Variants in SHB observed in about 807,000 individuals in gnomAD.
SHB encodes SH2 domain-containing adapter protein B.
SHB carries 20 observed loss-of-function variants against 52.3 expected under a neutral mutation model. The ratio of observed to expected loss-of-function variants is 0.38; its 90% confidence interval spans 0.27 to 0.56. The LOEUF (loss-of-function observed/expected upper bound fraction) is 0.56, where lower values mean the gene tolerates loss of function less well. Among genes scored for constraint, SHB ranks in the 20% least tolerant of loss-of-function variants. SHB has a pLI of 0.71. For synonymous variants in SHB, 397 were observed against 316.5 expected (o/e 1.25, Z -2.70); for missense variants, 825 against 723.3 (o/e 1.14, Z -1.61).
intron 2 of SHB, among the ~76,000 whole-genome samples, chr9:37,980,307 T>C (rs1003499340): frequency 1.3e-5 from 2 of 152,216 alleles, no homozygotes; most frequent in Non-Finnish European, 2.9e-5. Flanking sequence ...AAATCCTATG[T>C]TGTCATTTTA....
chr9:37,948,910 C>T (rs561536181), intron 4 of SHB, among the ~76,000 whole-genome samples, 156 bp from the exon 5 acceptor site: 3 of 152,302 alleles, frequency 2.0e-5, no homozygotes, highest in South Asian at 2.1e-4. Flanking sequence ...CTGCTGCTGC[C>T]GGGTCCTGGG....
At chr9:38,039,393 A>AT (rs1476682627) in intron 1 of SHB, among the ~76,000 whole-genome samples, 24 of 152,384 alleles carry the variant, frequency 1.6e-4, no homozygotes, top group Non-Finnish European at 2.6e-4. Flanking sequence ...CTGCTTAGTC[A>AT]TTAGCCTGTA....
chr9:37,978,471 G>A (rs2117977295), intron 2 of SHB, among the ~76,000 whole-genome samples: 1 of 152,340 alleles, frequency 6.6e-6, no homozygotes, highest in South Asian at 2.1e-4. Context: ...ATATTAAGCA[G>A]CCATTAAAAT....
At chr9:38,067,609 A>C (rs1306397924) in intron 1 of SHB, among the ~76,000 whole-genome samples, 1 of 152,112 alleles carries the variant, frequency 6.6e-6, no homozygotes. Context: ...TCGAAGTCCT[A>C]GACAGCTCTG....
intron 3 of SHB, among the ~76,000 whole-genome samples, chr9:37,970,257 A>G: frequency 6.6e-6 from 1 of 152,242 alleles, no homozygotes; most frequent in Non-Finnish European, 1.5e-5. Flanking sequence ...GACGGCTCCA[A>G]GTATTTCTCA....
At position 37,917,008 on chromosome 9, in the gene SHB, A is replaced by AC. The variant is rs987156203; in HGVS notation, c.*2812_*2813insG. Among the ~76,000 whole-genome samples the AC allele has an allele frequency of 2.0e-5, 3 of 151,276 alleles. No homozygotes were observed. Among genetic ancestry groups the AC allele is most frequent in the Admixed American group, 2.0e-4 (3 of 15,180 alleles). ...TTTTCTCTCAAAGAAATCCAGCTCA[A>AC]TTTTTTCCCCAATTAATTGGCAGCA... On this transcript the variant is annotated 3_prime_UTR_variant, in exon 6 of 6. Transcript: ENST00000377707.
chr9:38,008,192 T>C (rs1315627305), intron 2 of SHB, among the ~76,000 whole-genome samples: 1 of 152,158 alleles, frequency 6.6e-6, no homozygotes, highest in Admixed American at 6.5e-5. Context: ...GCAACTTTCC[T>C]GAAAACCTGA....
intron 5 of SHB, among the ~76,000 whole-genome samples, chr9:37,945,935 T>C (rs929137146): frequency 6.6e-6 from 1 of 152,174 alleles, no homozygotes; most frequent in Non-Finnish European, 1.5e-5. Context: ...AGGACTCCTA[T>C]CCAGAATTCT....
At chr9:38,040,818 G>T (rs972110966) in intron 1 of SHB, among the ~76,000 whole-genome samples, 1 of 152,058 alleles carries the variant, frequency 6.6e-6, no homozygotes, top group Non-Finnish European at 1.5e-5. Flanking sequence ...AGTCTTTGGG[G>T]CTTTGCCATA....
In SHB at chr9:38,034,755, G is replaced by A. The variant is rs530387731; in HGVS notation, c.718-18624C>T. Among the ~76,000 whole-genome samples the A allele has an allele frequency of 5.3e-5, 8 of 152,348 alleles. No individual in the cohort carries two copies. In the South Asian group the frequency reaches 1.7e-3, roughly 32 times the overall value. On this transcript the variant is annotated intron_variant, in intron 1 of 5. Transcript: ENST00000377707. ...TCTGCCACCCAGGCTGGAGTGCAGT[G>A]GTGCGATCTCAGCTCACTGCAACCT...
intron 2 of SHB, among the ~76,000 whole-genome samples, chr9:37,996,126 A>C (rs1458804172): frequency 6.6e-6 from 1 of 152,190 alleles, no homozygotes; most frequent in African/African-American, 2.4e-5. Context: ...AAATGACTGC[A>C]GCCATTCTGT....
chr9:37,926,228 C>T (rs941075100), intron 5 of SHB, among the ~76,000 whole-genome samples: 5 of 151,106 alleles, frequency 3.3e-5, no homozygotes, highest in Non-Finnish European at 5.9e-5. Context: ...AATTCTGCCT[C>T]TTGAAAGCAG....
chr9:38,028,194 G>A (rs968035449), intron 1 of SHB, among the ~76,000 whole-genome samples: 8 of 152,064 alleles, frequency 5.3e-5, no homozygotes, highest in Non-Finnish European at 1.0e-4. Flanking sequence ...GCACCTCCCC[G>A]AGGAAGCACA....
At chr9:37,968,042 A>G (rs1171435730) in intron 3 of SHB, among the ~76,000 whole-genome samples, 1 of 152,236 alleles carries the variant, frequency 6.6e-6, no homozygotes, top group Non-Finnish European at 1.5e-5. Flanking sequence ...ATTGCCAGGC[A>G]TAACTGGGAA....
intron 1 of SHB, among the ~76,000 whole-genome samples, chr9:38,052,865 C>G (rs753992412): frequency 7.2e-5 from 11 of 152,342 alleles, no homozygotes; most frequent in Admixed American, 5.2e-4. Flanking sequence ...ATGTCCTCCT[C>G]ACATCCACCA....
intron 2 of SHB, among the ~76,000 whole-genome samples, chr9:37,975,345 C>T (rs1275975353): frequency 6.6e-6 from 1 of 152,214 alleles, no homozygotes; most frequent in East Asian, 1.9e-4. Flanking sequence ...CCCAAGGAGA[C>T]CAGAGGCCAC....
chr9:37,950,934 G>C (rs1832559461), intron 4 of SHB, among the ~76,000 whole-genome samples: 1 of 152,202 alleles, frequency 6.6e-6, no homozygotes, highest in African/African-American at 2.4e-5. Flanking sequence ...GTGCAAGTGG[G>C]GATGCTGCCT....
intron 1 of SHB, among the ~76,000 whole-genome samples, chr9:38,067,381 T>C (rs1821983406): frequency 6.6e-6 from 1 of 151,982 alleles, no homozygotes; most frequent in South Asian, 2.1e-4. Context: ...GCAGCCCGGA[T>C]TTGGAAACCT....
At chr9:38,034,036 T>C (rs910906215) in intron 1 of SHB, among the ~76,000 whole-genome samples, 1 of 152,170 alleles carries the variant, frequency 6.6e-6, no homozygotes, top group Admixed American at 6.5e-5. Context: ...ATTAAAAATA[T>C]TAACCTCATT....
Sources: allele counts gnomAD v4.1 joint callset (sites outside exome capture counted in the v4.1 genomes callset), GRCh38; gene constraint gnomAD v4.1.1; transcripts MANE v1.5; gene names NCBI Gene and HGNC (gene_info 2026-07-23, HGNC 2026-07-21).